Variants in RNF128 observed in about 807,000 individuals in gnomAD.
The protein encoded by RNF128 is E3 ubiquitin-protein ligase RNF128.
Under a neutral mutation model 26.2 loss-of-function variants are expected in RNF128, and 13 were observed. The observed-to-expected ratio is 0.50, with a 90% CI of 0.32 to 0.79. The LOEUF (loss-of-function observed/expected upper bound fraction) is 0.79. RNF128 is among the 30% of genes least tolerant of loss of function. The pLI, the probability that RNF128 is intolerant of heterozygous loss-of-function variation, is 0.03. For synonymous variants in RNF128, 149 were observed against 142.5 expected, an observed-to-expected ratio of 1.05 and a Z score of -0.32; for missense variants, 315 against 349.7, an observed-to-expected ratio of 0.90 and a Z score of 0.79.
chrX:106,720,835 A>G (rs1929298202), intron 1 of RNF128, among the ~76,000 whole-genome samples: 1 of 111,731 alleles, frequency 9.0e-6, no homozygotes, highest in African/African-American at 3.3e-5. Flanking sequence ...GTGAAAATCA[A>G]ATGATAACAT....
At chrX:106,791,328 C>A in intron 6 of RNF128, 94 bp downstream of exon 6, 1 of 844,439 alleles carries the variant, frequency 1.2e-6, no homozygotes, top group Non-Finnish European at 1.6e-6. Flanking sequence ...TTGTTCCATT[C>A]AGCCATTATC....
intron 1 of RNF128, among the ~76,000 whole-genome samples, chrX:106,704,322 A>T (rs1443719495): frequency 9.3e-6 from 1 of 107,970 alleles, no homozygotes; most frequent in Non-Finnish European, 1.9e-5. Flanking sequence ...AGTCCCAGCT[A>T]CTCGGGAGGC....
upstream of RNF128, among the ~76,000 whole-genome samples, chrX:106,723,595 T>C (rs1268395268): frequency 1.8e-5 from 2 of 110,758 alleles, no homozygotes; most frequent in Non-Finnish European, 3.8e-5. Flanking sequence ...TGTATGTATG[T>C]ATAATTTTCT....
At chrX:106,735,373 A>G (rs1401291672) in intron 1 of RNF128, among the ~76,000 whole-genome samples, 1 of 111,555 alleles carries the variant, frequency 9.0e-6, no homozygotes, top group Non-Finnish European at 1.9e-5. Flanking sequence ...TTAAATGTTA[A>G]CTTGTCATTT....
intron 1 of RNF128, among the ~76,000 whole-genome samples, chrX:106,698,893 A>G (rs1388098536): frequency 9.0e-6 from 1 of 110,514 alleles, no homozygotes; most frequent in Non-Finnish European, 1.9e-5. Context: ...CTCCTCTTCT[A>G]CTCACTGAAC....
At chrX:106,768,324 G>A (rs755336562) in intron 1 of RNF128, among the ~76,000 whole-genome samples, 2 of 111,507 alleles carry the variant, frequency 1.8e-5, no homozygotes, top group Non-Finnish European at 3.8e-5. Flanking sequence ...GGTAGACCTC[G>A]GCTGTGAATC....
At chrX:106,705,063 A>T (rs1377537603) in intron 1 of RNF128, among the ~76,000 whole-genome samples, 2 of 111,765 alleles carry the variant, frequency 1.8e-5, no homozygotes, top group Admixed American at 1.9e-4. Context: ...TGTAGATCAC[A>T]GGGATGGAGA....
chrX:106,752,383 A>G (rs775388661), intron 1 of RNF128, among the ~76,000 whole-genome samples: 1 of 112,578 alleles, frequency 8.9e-6, no homozygotes, highest in South Asian at 3.7e-4. Context: ...AAGTAAGGGA[A>G]GAGAACAACA....
chrX:106,760,532 C>A (rs1930102616), intron 1 of RNF128, among the ~76,000 whole-genome samples: 2 of 111,916 alleles, frequency 1.8e-5, no homozygotes, highest in African/African-American at 6.5e-5. Context: ...TATATACTTA[C>A]TGTTGGTGGG....
At position 106,696,752 on chromosome X, in the gene RNF128, GTC is replaced by G. The variant is rs1306583699; in HGVS notation, c.406+2350_406+2351del. Among the ~76,000 whole-genome samples, 21 of 111,433 alleles carry G rather than the reference GTC, an allele frequency of 1.9e-4. 1 individual carries two copies. Among genetic ancestry groups the G allele is most frequent in the Admixed American group, 1.5e-3 (16 of 10,414 alleles). On this transcript the variant is annotated intron_variant, in intron 1 of 6. Coordinates refer to the RNF128 transcript ENST00000324342. ...TTACTAAGCACTTCCACAATGTTGT[GTC>G]TCTCTGCTTCTTTCTAATGTCAGTG...
chrX:106,780,414 T>G (rs184798859), intron 2 of RNF128, among the ~76,000 whole-genome samples: 1 of 111,979 alleles, frequency 8.9e-6, no homozygotes, highest in East Asian at 2.8e-4. Context: ...CTAGAGCGAA[T>G]GCAGCTTTTG....
chrX:106,785,208 C>G, intron 3 of RNF128, 72 bp downstream of exon 3: 1 of 803,082 alleles, frequency 1.2e-6, no homozygotes, highest in African/African-American at 2.1e-5. Context: ...GCTAAATGTT[C>G]TTCCTAAGTA....
At chrX:106,743,384 A>G (rs757229587) in intron 1 of RNF128, among the ~76,000 whole-genome samples, 1 of 112,158 alleles carries the variant, frequency 8.9e-6, no homozygotes, top group South Asian at 3.7e-4. Flanking sequence ...ATATAACTGC[A>G]TAACTCAGTG....
intron 1 of RNF128, among the ~76,000 whole-genome samples, chrX:106,711,187 C>T (rs1929120660): frequency 8.9e-6 from 1 of 112,255 alleles, no homozygotes; most frequent in African/African-American, 3.2e-5. Context: ...CCCACCTACT[C>T]ACCGCCTAGC....
chrX:106,708,798 T>C (rs1233985402), intron 1 of RNF128, among the ~76,000 whole-genome samples: 1 of 112,106 alleles, frequency 8.9e-6, no homozygotes, highest in Non-Finnish European at 1.9e-5. Context: ...ACAGAAGTTT[T>C]CTTAACAATG....
intron 2 of RNF128, among the ~76,000 whole-genome samples, chrX:106,783,969 C>A (rs192185485): frequency 9.0e-6 from 1 of 111,171 alleles, no homozygotes; most frequent in Non-Finnish European, 1.9e-5. Flanking sequence ...CCTCCCACCA[C>A]GCCCCACCTC....
rs1198377763 is a variant in RNF128 at position 106,727,056 on chromosome X, A to T, written c.143A>T (p.Asn48Ile). 3.3e-6 allele frequency: 4 copies of T among 1,204,703 alleles called. No homozygotes were observed. Among genetic ancestry groups the T allele is most frequent in the Non-Finnish European group, 3.4e-6 (3 of 892,275 alleles). ...GAEAVWTAYL[N>I]VSWRVPHTGV... ...GAAGCAGTGTGGACCGCGTACCTCA[A>T]CGTGTCCTGGCGGGTTCCGCACACG... Residue 48 changes from asparagine to isoleucine, a missense_variant, in exon 1 of 7, where the codon AAC becomes ATC. Coordinates refer to ENST00000255499, the MANE Select transcript of RNF128 (RefSeq NM_194463.2).
At chrX:106,746,408 G>A (rs1282566170) in intron 1 of RNF128, among the ~76,000 whole-genome samples, 1 of 110,550 alleles carries the variant, frequency 9.0e-6, no homozygotes, top group Non-Finnish European at 1.9e-5. Context: ...TAAATGTGGG[G>A]AAAAAAAGGT....
At chrX:106,765,411 C>T (rs192385985) in intron 1 of RNF128, among the ~76,000 whole-genome samples, 100 of 111,409 alleles carry the variant, frequency 9.0e-4, no homozygotes, top group African/African-American at 3.2e-3. Flanking sequence ...AAGGTTTATA[C>T]CCTTAATTTG....
Sources: gnomAD v4.1 joint callset for allele counts (sites outside exome capture counted in the v4.1 genomes callset) on GRCh38, gnomAD v4.1.1 for gene constraint, MANE v1.5 for transcripts, NCBI Gene and HGNC (gene_info 2026-07-23, HGNC 2026-07-21) for gene names.